The following NRG3 variants were observed in gnomAD, a reference collection of about 807,000 sequenced individuals.
NRG3 encodes the protein neuregulin 3, also known as pro-neuregulin-3, membrane-bound isoform.
In NRG3, 31 loss-of-function variants were observed where a neutral mutation model predicts 66.9. The observed-to-expected ratio is 0.46, with a 90% CI of 0.35 to 0.63. NRG3 has a LOEUF of 0.63. Among genes scored for constraint, NRG3 ranks in the 20% least tolerant of loss-of-function variants. The pLI is 0.00. For synonymous variants in NRG3, 393 were observed against 359.4 expected, an observed-to-expected ratio of 1.09 and a Z score of -1.06; for missense variants, 910 against 878.9, an observed-to-expected ratio of 1.04 and a Z score of -0.45.
chr10:82,004,296 G>T (rs1325001338), intron 1 of NRG3, among the ~76,000 whole-genome samples: 1 of 151,904 alleles, frequency 6.6e-6, no homozygotes, highest in Admixed American at 6.6e-5. Context: ...CGTGAATTAC[G>T]GTTTTAAAAT....
chr10:82,865,931 C>A (rs1840683480), intron 4 of NRG3, among the ~76,000 whole-genome samples: 1 of 152,094 alleles, frequency 6.6e-6, no homozygotes, highest in Non-Finnish European at 1.5e-5. Flanking sequence ...GGAGTGTGGG[C>A]TATTAAACAT....
At chr10:82,214,407 C>A (rs984072608) in intron 1 of NRG3, among the ~76,000 whole-genome samples, 3 of 152,104 alleles carry the variant, frequency 2.0e-5, no homozygotes, top group East Asian at 3.9e-4. Context: ...AGTGAGACCA[C>A]CTGATATGGT....
chr10:82,907,719 T>A, intron 4 of NRG3, among the ~76,000 whole-genome samples: 1 of 152,144 alleles, frequency 6.6e-6, no homozygotes, highest in East Asian at 1.9e-4. Context: ...ATACAGAAGG[T>A]TTTCCATTTA....
At chr10:82,077,121 G>A (rs1225033890) in intron 1 of NRG3, among the ~76,000 whole-genome samples, 1 of 152,130 alleles carries the variant, frequency 6.6e-6, no homozygotes, top group African/African-American at 2.4e-5. Context: ...CATTTAATAA[G>A]TCAAAATATG....
intron 2 of NRG3, among the ~76,000 whole-genome samples, chr10:82,589,400 A>C (rs1940727741): frequency 6.6e-6 from 1 of 152,150 alleles, no homozygotes; most frequent in South Asian, 2.1e-4. Context: ...TGCATTTTCA[A>C]CCAGATGTTC....
chr10:82,133,846 T>C (rs2069121881), intron 1 of NRG3, among the ~76,000 whole-genome samples: 1 of 152,192 alleles, frequency 6.6e-6, no homozygotes, highest in South Asian at 2.1e-4. Context: ...CCATACTGCC[T>C]TCCACAATGG....
At chr10:81,970,660 T>G (rs532725613) in intron 1 of NRG3, among the ~76,000 whole-genome samples, 1 of 152,162 alleles carries the variant, frequency 6.6e-6, no homozygotes, top group Non-Finnish European at 1.5e-5. Context: ...TGTGTGTGTG[T>G]GTGGGTGTGT....
At chr10:82,720,122 G>T (rs2057207362) in intron 2 of NRG3, among the ~76,000 whole-genome samples, 1 of 152,188 alleles carries the variant, frequency 6.6e-6, no homozygotes, top group Admixed American at 6.5e-5. Context: ...GGGCACAGTG[G>T]CTCATGCCTG....
chr10:82,259,518 A>G (rs1224252588), intron 1 of NRG3, among the ~76,000 whole-genome samples: 2 of 152,190 alleles, frequency 1.3e-5, no homozygotes, highest in Non-Finnish European at 2.9e-5. Context: ...CGTAGTAATC[A>G]TCTTGTTAAA....
At chr10:82,200,661 G>T (rs1020159511) in intron 1 of NRG3, among the ~76,000 whole-genome samples, 1 of 152,104 alleles carries the variant, frequency 6.6e-6, no homozygotes, top group South Asian at 2.1e-4. Context: ...TCGCATGCCC[G>T]AAGTCAAGCA....
At chr10:82,240,640 A>T (rs935716878) in intron 1 of NRG3, among the ~76,000 whole-genome samples, 7 of 152,118 alleles carry the variant, frequency 4.6e-5, no homozygotes, top group African/African-American at 1.4e-4. Context: ...TGAAATGCTT[A>T]GTTGATTATG....
intron 2 of NRG3, among the ~76,000 whole-genome samples, chr10:82,584,520 T>C (rs2046550847): frequency 6.6e-6 from 1 of 152,216 alleles, no homozygotes; most frequent in Admixed American, 6.5e-5. Context: ...CCACAAATTA[T>C]TGGGTTCATG....
intron 1 of NRG3, among the ~76,000 whole-genome samples, chr10:82,243,217 T>A (rs914897022): frequency 2.0e-5 from 3 of 152,132 alleles, no homozygotes; most frequent in African/African-American, 7.2e-5. Context: ...ATACTGGATA[T>A]GTAAAAAATA....
intron 2 of NRG3, among the ~76,000 whole-genome samples, chr10:82,537,445 C>T (rs2043238541): frequency 6.6e-6 from 1 of 152,002 alleles, no homozygotes; most frequent in African/African-American, 2.4e-5. Flanking sequence ...TAAATTGGGA[C>T]CCCTTTTGTT....
chr10:82,255,237 G>T (rs1216467971), intron 1 of NRG3, among the ~76,000 whole-genome samples: 1 of 152,096 alleles, frequency 6.6e-6, no homozygotes, highest in Non-Finnish European at 1.5e-5. Flanking sequence ...ACCTGAACCA[G>T]AACTCTTTAA....
intron 4 of NRG3, among the ~76,000 whole-genome samples, chr10:82,875,158 T>C (rs1357891618): frequency 6.6e-6 from 1 of 152,176 alleles, no homozygotes. Context: ...ATGAAGTCAT[T>C]TGGGTGGTTC....
chr10:82,725,155 G>T (rs561093076), intron 2 of NRG3, among the ~76,000 whole-genome samples: 1 of 152,282 alleles, frequency 6.6e-6, no homozygotes, highest in African/African-American at 2.4e-5. Context: ...ATTATCCTGA[G>T]TCAAGTGAGA....
At chr10:82,788,669 A>G (rs564202396) in intron 3 of NRG3, among the ~76,000 whole-genome samples, 8 of 152,288 alleles carry the variant, frequency 5.3e-5, no homozygotes, top group East Asian at 3.9e-4. Context: ...TCCGAGTTTG[A>G]ATCAGGAACT....
At chr10:82,413,163 G>C (rs546027217) in intron 2 of NRG3, among the ~76,000 whole-genome samples, 1 of 152,106 alleles carries the variant, frequency 6.6e-6, no homozygotes, top group Non-Finnish European at 1.5e-5. Context: ...TCCATCAGAG[G>C]AATCACTATC....
Sources: gnomAD v4.1 joint callset for allele counts (sites outside exome capture counted in the v4.1 genomes callset) on GRCh38, gnomAD v4.1.1 for gene constraint, MANE v1.5 for transcripts, NCBI Gene and HGNC (gene_info 2026-07-23, HGNC 2026-07-21) for gene names.